GMPR: variants seen among roughly 807,000 people sequenced by gnomAD.
GMPR encodes the protein GMP reductase 1.
GMPR carries 31 observed loss-of-function variants against 38.4 expected under a neutral mutation model. That is an observed-to-expected ratio of 0.81 (90% CI 0.61 to 1.09). The LOEUF is 1.09. GMPR is among the 50% of genes least tolerant of loss of function. GMPR has a pLI of 0.00. For synonymous variants in GMPR, 162 were observed against 173.3 expected, an observed-to-expected ratio of 0.93 and a Z score of 0.51; for missense variants, 468 against 453.7, an observed-to-expected ratio of 1.03 and a Z score of -0.29.
intron 4 of GMPR, among the ~76,000 whole-genome samples, chr6:16,268,679 T>A (rs905401375): frequency 6.6e-6 from 1 of 152,254 alleles, no homozygotes; most frequent in East Asian, 1.9e-4. Context: ...TATCATCCTA[T>A]GGAAAGGATT....
intron 6 of GMPR, among the ~76,000 whole-genome samples, chr6:16,284,605 C>T (rs946183922): frequency 6.6e-6 from 1 of 152,164 alleles, no homozygotes; most frequent in African/African-American, 2.4e-5. Flanking sequence ...TGACTGTCCC[C>T]GTGTGTCTGG....
chr6:16,248,734 C>T lies in GMPR; in HGVS notation c.208-1550C>T, dbSNP rs184625154. Among the ~76,000 whole-genome samples, 314 of 152,286 alleles carry T rather than the reference C, an allele frequency of 2.1e-3. 2 individuals carry two copies. Among genetic ancestry groups the T allele is most frequent in the Non-Finnish European group, 2.4e-3 (165 of 68,034 alleles). On this transcript the variant is annotated intron_variant, in intron 2 of 8. Coordinates refer to ENST00000259727, the MANE Select transcript of GMPR (RefSeq NM_006877.4). ...GAACTGGTATTTTTTTCTCCTCACC[C>T]TTTCCCTGCTCTGCTCTGTCATCAG...
chr6:16,279,247 C>T (rs1468798907), intron 6 of GMPR, among the ~76,000 whole-genome samples: 1 of 152,130 alleles, frequency 6.6e-6, no homozygotes, highest in African/African-American at 2.4e-5. Flanking sequence ...ACGAGAAGCC[C>T]AACATCAGGG....
At chr6:16,261,904 G>C (rs570725887) in intron 4 of GMPR, among the ~76,000 whole-genome samples, 7 of 152,020 alleles carry the variant, frequency 4.6e-5, no homozygotes, top group South Asian at 2.1e-4. Flanking sequence ...GCGGCAATGA[G>C]ATGTAGCTGT....
At chr6:16,255,890 TA>T (rs1758963496) in intron 4 of GMPR, among the ~76,000 whole-genome samples, 1 of 152,232 alleles carries the variant, frequency 6.6e-6, no homozygotes, top group Admixed American at 6.5e-5. Context: ...TAAGGATTTT[TA>T]TGTTTTTCAA....
intron 4 of GMPR, 96 bp downstream of exon 4, chr6:16,254,831 G>A: frequency 1.3e-6 from 1 of 798,546 alleles, no homozygotes. Flanking sequence ...CCTCTTCAGA[G>A]CTTTTGGTGC....
Position 16,274,400 on chromosome 6 carries a change from T to C in GMPR, c.466-15T>C. 2 of 1,517,168 alleles carry C rather than the reference T, an allele frequency of 1.3e-6. No individual in the cohort carries two copies. Among genetic ancestry groups the C allele is most frequent in the East Asian group, 4.5e-5 (2 of 44,436 alleles). The allele number at this position is 1,517,168 out of a possible 1,614,324, so 94.0% of individuals were successfully genotyped here. On this transcript the variant is annotated splice_polypyrimidine_tract_variant and intron_variant, in intron 4 of 8. Coordinates refer to ENST00000259727, the MANE Select transcript of GMPR (RefSeq NM_006877.4). The stretch of plus-strand genomic sequence containing the variant: ...TAGTAGTTCATGATCATCAGCTGTA[T>C]TCTTTCTGTCTCAGGCAGGGAACGT...
chr6:16,273,120 T>C (rs1759412798), intron 4 of GMPR, among the ~76,000 whole-genome samples: 1 of 152,256 alleles, frequency 6.6e-6, no homozygotes, highest in South Asian at 2.1e-4. Context: ...TCTGTGATTT[T>C]TCCATTGTCA....
chr6:16,290,322 C>G, intron 7 of GMPR, 140 bp from the exon 8 acceptor site: 1 of 746,262 alleles, frequency 1.3e-6, no homozygotes, highest in Non-Finnish European at 2.3e-6. Flanking sequence ...AGGAGACAGG[C>G]GAGAGAGGTC....
At chr6:16,260,281 G>A (rs1377255321) in intron 4 of GMPR, among the ~76,000 whole-genome samples, 3 of 152,008 alleles carry the variant, frequency 2.0e-5, no homozygotes, top group Non-Finnish European at 2.9e-5. Context: ...CTAAGAGCCT[G>A]AAAAACTGCT....
chr6:16,270,236 GCC>G, intron 4 of GMPR, among the ~76,000 whole-genome samples: 1 of 152,276 alleles, frequency 6.6e-6, no homozygotes, highest in Middle Eastern at 3.4e-3. Flanking sequence ...GCATGGGGGA[GCC>G]CAAAACATGC....
At chr6:16,280,397 T>C (rs75309947) in intron 6 of GMPR, among the ~76,000 whole-genome samples, 2,911 of 152,262 alleles carry the variant, frequency 0.019, 75 homozygotes, top group African/African-American at 0.06. Flanking sequence ...ATCCAGCAAG[T>C]CTCTATTAAG....
At chr6:16,266,427 AGGT>A (rs1256626317) in intron 4 of GMPR, among the ~76,000 whole-genome samples, 4 of 119,672 alleles carry the variant, frequency 3.3e-5, no homozygotes, top group South Asian at 3.0e-4. Context: ...ACTGTGAAAA[AGGT>A]GGCACGTCGG....
rs546450494 is a variant in GMPR at position 16,289,848 on chromosome 6, A to ATTTTTTTTTTTTTTTTTTTT, written c.698-596_698-577dup. On this transcript the variant is annotated intron_variant, in intron 7 of 8. Coordinates refer to ENST00000259727, the MANE Select transcript of GMPR (RefSeq NM_006877.4). ...AACTTGCTTTCTAAGATACTGCCCA[A>ATTTTTTTTTTTTTTTTTTTT]TTTTTTTTTTTTTTTTTTTTTTTTT... 15 of 63,188 alleles carry ATTTTTTTTTTTTTTTTTTTT rather than the reference A, an allele frequency of 2.4e-4. 2 individuals carry two copies. The highest frequency in any genetic ancestry group is 8.5e-4 in the African/African-American group (12 of 14,178). The allele number at this position is 63,188 out of a possible 1,614,324, so 3.9% of individuals were successfully genotyped here. A position where few individuals can be genotyped will look rare whatever the true frequency, so the allele number is the denominator to read the frequency against.
Position 16,262,348 on chromosome 6 carries a change from TAGAC to T in GMPR, c.465+7616_465+7619del, listed in dbSNP as rs1247808170. The T allele has an allele frequency of 7.2e-5, 11 of 152,090 alleles. No homozygotes were observed. The South Asian group carries it at 2.3e-3, about 32-fold the overall frequency. 9.4% of individuals were successfully genotyped at this position (152,090 alleles called of 1,614,324 possible). A position where few individuals can be genotyped will look rare whatever the true frequency, so the allele number is the denominator to read the frequency against. On this transcript the variant is annotated intron_variant, in intron 4 of 8. Coordinates refer to ENST00000259727, the MANE Select transcript of GMPR (RefSeq NM_006877.4). ...CGCTGGGAGTGGCTGCCAGGTGAGT[TAGAC>T]AGTCCGATTTCCAGTGGGGTCCCGC... is the stretch of plus-strand genomic sequence containing the variant.
chr6:16,278,787 C>T lies in GMPR; in HGVS notation c.551C>T (p.Ser184Phe). ...DIIKVGVGPG[S>F]VCTTRTKTGV... ...GACAACTTCTTTCTCTGTGCAGGTT[C>T]TGTGTGCACCACCCGCACCAAGACG... is the stretch of plus-strand genomic sequence containing the variant. The change falls in exon 6 of 9, where the codon TCT (serine) becomes TTT (phenylalanine). Residue 184 changes from serine to phenylalanine, a missense_variant. By Grantham distance (155) the Ser-to-Phe change is radical. Coordinates refer to ENST00000259727, the MANE Select transcript of GMPR (RefSeq NM_006877.4). 1 of 1,608,796 alleles carries T rather than the reference C, an allele frequency of 6.2e-7. No individual in the cohort carries two copies. The highest frequency in any genetic ancestry group is 8.5e-7 in the Non-Finnish European group (1 of 1,175,030).
intron 4 of GMPR, among the ~76,000 whole-genome samples, chr6:16,266,557 C>T (rs1759237894): frequency 6.6e-6 from 1 of 151,176 alleles, no homozygotes; most frequent in African/African-American, 2.4e-5. Flanking sequence ...AATCCTGGCA[C>T]TTTGGGAGGC....
chr6:16,243,267 G>A (rs993517601), intron 1 of GMPR, among the ~76,000 whole-genome samples: 1 of 152,206 alleles, frequency 6.6e-6, no homozygotes, highest in Non-Finnish European at 1.5e-5. Context: ...GAGTATTTTG[G>A]AACCAGTTCT....
chr6:16,263,367 A>G (rs1252091070), intron 4 of GMPR: 2 of 151,970 alleles, frequency 1.3e-5, no homozygotes, highest in African/African-American at 4.8e-5. Flanking sequence ...GCAGAAGAAA[A>G]TAAGATGCTT....
Sources: allele counts gnomAD v4.1 joint callset (sites outside exome capture counted in the v4.1 genomes callset), GRCh38; gene constraint gnomAD v4.1.1; transcripts MANE v1.5; gene names NCBI Gene and HGNC (gene_info 2026-07-23, HGNC 2026-07-21).